Variants in ROR2 observed in about 807,000 individuals in gnomAD.
The protein encoded by ROR2 is ROR family WNT receptor 2.
Under a neutral mutation model 74.9 loss-of-function variants are expected in ROR2, and 33 were observed. That is an observed-to-expected ratio of 0.44 (90% CI 0.33 to 0.59). The LOEUF (loss-of-function observed/expected upper bound fraction) is 0.59. Ranked by LOEUF, ROR2 falls within the 20% of genes least tolerant of loss-of-function variation. ROR2 has a pLI of 0.02. For missense variants in ROR2, 1,216 were observed against 1,313.8 expected (o/e 0.93, Z 1.15); for synonymous variants, 586 against 558.7 (o/e 1.05, Z -0.69).
chr9:91,817,710 A>G (rs1177889759), intron 1 of ROR2, among the ~76,000 whole-genome samples: 3 of 152,212 alleles, frequency 2.0e-5, no homozygotes, highest in African/African-American at 4.8e-5. Context: ...CCTCGCCAAT[A>G]TGAGGCCCCA....
intron 2 of ROR2, among the ~76,000 whole-genome samples, chr9:91,763,544 T>A (rs979720877): frequency 2.0e-5 from 3 of 152,248 alleles, no homozygotes; most frequent in African/African-American, 7.2e-5. Context: ...TTAGTTCGCA[T>A]CTTATGAATT....
intron 5 of ROR2, among the ~76,000 whole-genome samples, chr9:91,736,434 C>T (rs1438364176): frequency 1.3e-5 from 2 of 152,196 alleles, no homozygotes; most frequent in Non-Finnish European, 2.9e-5. Flanking sequence ...CTTTGCCCCA[C>T]CACACTCTCC....
At chr9:91,786,979 C>T (rs1826823479) in intron 1 of ROR2, among the ~76,000 whole-genome samples, 1 of 152,150 alleles carries the variant, frequency 6.6e-6, no homozygotes, top group Admixed American at 6.5e-5. Flanking sequence ...GAGAGGACAC[C>T]ACAGTCACTC....
At chr9:91,924,172 A>G (rs1831338419) in intron 1 of ROR2, among the ~76,000 whole-genome samples, 1 of 152,214 alleles carries the variant, frequency 6.6e-6, no homozygotes, top group East Asian at 1.9e-4. Context: ...CTTGAGGGCA[A>G]GGTCTTTGTC....
At chr9:91,812,838 T>C (rs1827805948) in intron 1 of ROR2, among the ~76,000 whole-genome samples, 1 of 152,202 alleles carries the variant, frequency 6.6e-6, no homozygotes, top group African/African-American at 2.4e-5. Context: ...AGCCAAAGAC[T>C]GTGTTGACTT....
At chr9:91,835,478 G>A (rs553632373) in intron 1 of ROR2, among the ~76,000 whole-genome samples, 5 of 152,156 alleles carry the variant, frequency 3.3e-5, no homozygotes, top group African/African-American at 9.6e-5. Context: ...CAGAGCCACT[G>A]GGGGCTGCCC....
chr9:91,828,970 A>G (rs1176368679), intron 1 of ROR2, among the ~76,000 whole-genome samples: 2 of 152,230 alleles, frequency 1.3e-5, no homozygotes, highest in East Asian at 3.8e-4. Flanking sequence ...TTAATTTCTT[A>G]AAAGCCTTCC....
At chr9:91,939,005 C>A (rs1280905669) in intron 1 of ROR2, among the ~76,000 whole-genome samples, 1 of 152,174 alleles carries the variant, frequency 6.6e-6, no homozygotes, top group Non-Finnish European at 1.5e-5. Flanking sequence ...AATTCCAGCA[C>A]TGTGGGAGGC....
intron 1 of ROR2, among the ~76,000 whole-genome samples, chr9:91,940,319 G>A (rs547174043): frequency 1.3e-5 from 2 of 152,284 alleles, no homozygotes; most frequent in African/African-American, 4.8e-5. Flanking sequence ...TAAGTAGGCC[G>A]GGGGAAATGA....
intron 2 of ROR2, among the ~76,000 whole-genome samples, chr9:91,764,196 T>C (rs919700208): frequency 6.6e-6 from 1 of 152,164 alleles, no homozygotes; most frequent in Non-Finnish European, 1.5e-5. Flanking sequence ...GCCTAGAAAA[T>C]CATTTTATCT....
intron 1 of ROR2, among the ~76,000 whole-genome samples, chr9:91,925,986 G>A (rs1379123619): frequency 6.6e-6 from 1 of 152,190 alleles, no homozygotes; most frequent in Non-Finnish European, 1.5e-5. Flanking sequence ...GCTCACGCCT[G>A]TAATCCCAGC....
intron 1 of ROR2, among the ~76,000 whole-genome samples, chr9:91,907,456 T>C (rs1830849614): frequency 6.6e-6 from 1 of 152,188 alleles, no homozygotes; most frequent in Admixed American, 6.5e-5. Flanking sequence ...CCCAATTTCT[T>C]TTTAGGATAT....
At chr9:91,908,205 C>G (rs577854435) in intron 1 of ROR2, among the ~76,000 whole-genome samples, 1 of 152,212 alleles carries the variant, frequency 6.6e-6, no homozygotes, top group Non-Finnish European at 1.5e-5. Context: ...GTGGTGGGGA[C>G]GCTATCTATG....
At chr9:91,807,765 T>C (rs1435667047) in intron 1 of ROR2, among the ~76,000 whole-genome samples, 2 of 152,132 alleles carry the variant, frequency 1.3e-5, no homozygotes, top group East Asian at 3.9e-4. Flanking sequence ...TGGTGATTGT[T>C]GCTGTGGTGT....
intron 1 of ROR2, among the ~76,000 whole-genome samples, chr9:91,856,569 G>A (rs551964335): frequency 1.3e-5 from 2 of 152,260 alleles, no homozygotes; most frequent in African/African-American, 2.4e-5. Flanking sequence ...ACACACAGAG[G>A]GACGACCACG....
At chr9:91,813,697 C>T (rs142034566) in intron 1 of ROR2, among the ~76,000 whole-genome samples, 22 of 152,318 alleles carry the variant, frequency 1.4e-4, no homozygotes, top group African/African-American at 5.1e-4. Context: ...TCCTCAGCTG[C>T]GCTTTGCCAC....
intron 1 of ROR2, among the ~76,000 whole-genome samples, chr9:91,892,136 G>C (rs1403091020): frequency 6.6e-6 from 1 of 151,356 alleles, no homozygotes; most frequent in Non-Finnish European, 1.5e-5. Flanking sequence ...CCAACCTCTA[G>C]GCCCAGATTT....
intron 1 of ROR2, among the ~76,000 whole-genome samples, chr9:91,804,617 C>T (rs1246131558): frequency 6.6e-6 from 1 of 152,206 alleles, no homozygotes; most frequent in African/African-American, 2.4e-5. Context: ...TCCAGGCATG[C>T]CTTCACTGTG....
chr9:91,809,796 C>T (rs1385424388), intron 1 of ROR2, among the ~76,000 whole-genome samples: 2 of 152,204 alleles, frequency 1.3e-5, no homozygotes, highest in African/African-American at 2.4e-5. Flanking sequence ...GTGAGGCTCC[C>T]GGCTCCACTG....
Sources: gnomAD v4.1 joint callset for allele counts (sites outside exome capture counted in the v4.1 genomes callset) on GRCh38, gnomAD v4.1.1 for gene constraint, MANE v1.5 for transcripts, NCBI Gene and HGNC (gene_info 2026-07-23, HGNC 2026-07-21) for gene names.